CDK11A: variants seen among roughly 807,000 people sequenced by gnomAD.
The protein encoded by CDK11A is cyclin dependent kinase 11A, also known as cyclin-dependent kinase 11A.
CDK11A carries 55 observed loss-of-function variants against 83.6 expected under a neutral mutation model. The observed-to-expected ratio is 0.66, with a 90% confidence interval of 0.53 to 0.82. The LOEUF (loss-of-function observed/expected upper bound fraction) is 0.82. CDK11A is among the 40% of genes least tolerant of loss of function. CDK11A has a pLI of 0.00. For missense variants in CDK11A, 564 were observed against 810.1 expected (o/e 0.70, Z 3.69); for synonymous variants, 247 against 302.7 (o/e 0.82, Z 1.91).
rs1247062198 is a variant in CDK11A at position 1,717,716 on chromosome 1, T to C, written c.356-1238A>G. ...TCTGTGACACACGCACACTTTCAGC[T>C]GGAGTATCCTCTCTATAGCCCCTCT... is the stretch of plus-strand genomic sequence containing the variant. On this transcript the variant is annotated intron_variant, in intron 4 of 19. Transcript: ENST00000404249. 5.5e-5 allele frequency among the ~76,000 whole-genome samples: 8 copies of C among 144,962 alleles called. No homozygotes were observed. In the East Asian group the frequency reaches 1.4e-3, roughly 26 times the overall value.
At chr1:1,719,489 T>C in intron 3 of CDK11A, 34 bp from the exon 4 acceptor site, 2 of 1,391,288 alleles carry the variant, frequency 1.4e-6, no homozygotes, top group South Asian at 1.9e-5. Context: ...GCGTCATGCT[T>C]GAGAAAGTGC....
chr1:1,715,842 T>A (rs1415497021), intron 5 of CDK11A, among the ~76,000 whole-genome samples: 1 of 151,016 alleles, frequency 6.6e-6, no homozygotes, highest in African/African-American at 2.4e-5. Flanking sequence ...ATCTGGCTCA[T>A]AAAGGGGAAC....
rs1296309317 is a variant in CDK11A, at chr1:1,714,723, T to A, written c.488+1623A>T. On this transcript the variant is annotated intron_variant, in intron 5 of 19. Transcript: ENST00000404249. The stretch of plus-strand genomic sequence containing the variant: ...CAGTAAGGCTTCCTTGGCCCACGGC[T>A]GTGTGTGGACAGGGAGCACACTGAA... Among the ~76,000 whole-genome samples, 3 of 135,960 alleles carry A rather than the reference T, an allele frequency of 2.2e-5. 1 individual carries two copies. Among genetic ancestry groups the A allele is most frequent in the Non-Finnish European group, 4.9e-5 (3 of 61,456 alleles). 89.2% of individuals were successfully genotyped at this position (135,960 alleles called of 152,430 possible).
In CDK11A at chr1:1,703,892, C is replaced by A; in HGVS notation, c.1843G>T (p.Glu615Ter). The stretch of plus-strand genomic sequence containing the variant: ...AACAGAGGCTTCTGAGTCAGCAGCT[C>A]CCCGAAGATGCAGCCCACTGACCAC... The part of the protein sequence containing the change: ...DMWSVGCIFG[E>*]LLTQKPLFPG... The change falls in exon 17 of 20, where the codon GAG becomes TAG. Residue 615 changes from glutamate to a stop codon, truncating the protein, a stop_gained. Transcript: ENST00000404249. LOFTEE classifies it high-confidence loss of function. The A allele has an allele frequency of 6.2e-7, 1 of 1,609,740 alleles. No individual in the cohort carries two copies. Among genetic ancestry groups the A allele is most frequent in the Non-Finnish European group, 8.5e-7 (1 of 1,176,962 alleles).
chr1:1,704,006 G>A, intron 16 of CDK11A, 33 bp downstream of exon 16: 1 of 1,603,178 alleles, frequency 6.2e-7, no homozygotes, highest in Non-Finnish European at 8.5e-7. Flanking sequence ...CTGCATGGGG[G>A]ACAGGGGAGG....
Position 1,719,311 on chromosome 1 carries a change from A to G in CDK11A, c.355+17T>C. 4 of 1,499,370 alleles carry G rather than the reference A, an allele frequency of 2.7e-6. 1 individual carries two copies. The South Asian group carries it at 5.4e-5, about 20-fold the overall frequency. 92.9% of individuals were successfully genotyped at this position (1,499,370 alleles called of 1,614,324 possible). ...CACACTTGAACATGATGTCAAAGAA[A>G]GTAAATGCTTCTGTACCCCCTTCTG... On this transcript the variant is annotated intron_variant, in intron 4 of 19. Coordinates refer to ENST00000404249, the MANE Select transcript of CDK11A (RefSeq NM_024011.4).
At chr1:1,706,508 C>T (rs1226817738) in intron 11 of CDK11A, among the ~76,000 whole-genome samples, 1 of 151,250 alleles carries the variant, frequency 6.6e-6, no homozygotes, top group Non-Finnish European at 1.5e-5. Context: ...ATGATTAAGC[C>T]ACTCCACTCC....
At chr1:1,708,392 G>C in intron 9 of CDK11A, 147 bp from the exon 10 acceptor site, 1 of 1,429,526 alleles carries the variant, frequency 7.0e-7, no homozygotes, top group Non-Finnish European at 9.3e-7. Context: ...TGTAATCCCA[G>C]TGCTTTGGGA....
At chr1:1,716,934 T>C (rs2101280865) in intron 4 of CDK11A, among the ~76,000 whole-genome samples, 1 of 147,224 alleles carries the variant, frequency 6.8e-6, no homozygotes, top group East Asian at 2.0e-4. Flanking sequence ...TTTTTTTTTT[T>C]TTGAAGAGAC....
At chr1:1,719,014 C>T (rs1456267597) in intron 4 of CDK11A, among the ~76,000 whole-genome samples, 1 of 150,982 alleles carries the variant, frequency 6.6e-6, no homozygotes, top group East Asian at 1.9e-4. Context: ...TTTGCTCTCT[C>T]TATAGCCCTT....
At chr1:1,717,627 C>G (rs1210378756) in intron 4 of CDK11A, among the ~76,000 whole-genome samples, 2 of 42,782 alleles carry the variant, frequency 4.7e-5, no homozygotes, top group Non-Finnish European at 9.7e-5. Context: ...AGTTTGCTCT[C>G]TCTGGTTTTC....
rs755527055 is a variant in CDK11A, at chr1:1,704,025, C to T, written c.1794+14G>A. The T allele has an allele frequency of 1.6e-5, 26 of 1,597,490 alleles. No individual in the cohort carries two copies. Among genetic ancestry groups the T allele is most frequent in the Middle Eastern group, 1.7e-4 (1 of 5,782 alleles). On this transcript the variant is annotated intron_variant, in intron 16 of 19. Coordinates refer to ENST00000404249, the MANE Select transcript of CDK11A (RefSeq NM_024011.4). ...ATGGGGGACAGGGGAGGCACTCAGACGCCCAGGACTCACCTTGGCACCAAG... is the reference window on the plus strand; with the variant it reads ...ATGGGGGACAGGGGAGGCACTCAGATGCCCAGGACTCACCTTGGCACCAAG...
rs751465521 is a variant in CDK11A, at chr1:1,716,403, C to T, written c.431G>A (p.Arg144Gln). ...CCTTCTCTTCTGTCTTTCCCATTCCCGGCGAGCTTTATCCTGTTCTTCTCG... is the reference window on the plus strand; with the variant it reads ...CCTTCTCTTCTGTCTTTCCCATTCCTGGCGAGCTTTATCCTGTTCTTCTCG... ...RHREEQDKAR[R>Q]EWERQKRREM... The change falls in exon 5 of 20, where the codon CGG becomes CAG. Residue 144 changes from arginine to glutamine, a missense_variant. Coordinates refer to ENST00000404249, the MANE Select transcript of CDK11A (RefSeq NM_024011.4). 2.2e-5 allele frequency: 36 copies of T among 1,608,784 alleles called. 2 individuals carry two copies. The highest frequency in any genetic ancestry group is 1.1e-4 in the East Asian group (5 of 44,802).
chr1:1,706,325 G>T (rs1481321183), intron 11 of CDK11A, among the ~76,000 whole-genome samples: 3 of 151,164 alleles, frequency 2.0e-5, no homozygotes, highest in African/African-American at 7.3e-5. Flanking sequence ...CCACCGCCTC[G>T]GCCTCCCAAA....
Position 1,704,072 on chromosome 1 carries a change from C to A in CDK11A, c.1761G>T (p.Trp587Cys). ...KAYTPVVVTQ[W>C]YRAPELLLGA... The stretch of plus-strand genomic sequence containing the variant: ...CAAGCAGCAGCTCTGGGGCGCGGTA[C>A]CACTGGGTCACCACGACCGGGGTGT... The change falls in exon 16 of 20, where the codon TGG becomes TGT. Residue 587 changes from tryptophan to cysteine, a missense_variant. Transcript: ENST00000404249. 3 of 1,596,640 alleles carry A rather than the reference C, an allele frequency of 1.9e-6. No homozygotes were observed. The highest frequency in any genetic ancestry group is 8.6e-7 in the Non-Finnish European group (1 of 1,169,408).
At chr1:1,707,330 G>T (rs1185498237) in intron 11 of CDK11A, 79 bp downstream of exon 11, 1 of 1,445,894 alleles carries the variant, frequency 6.9e-7, no homozygotes, top group Admixed American at 2.3e-5. Context: ...GCCAACACGG[G>T]GGCCAGGCTT....
In CDK11A at chr1:1,705,575, C is replaced by T. The variant is rs1344063829; in HGVS notation, c.1336+67G>A. 5 of 479,714 alleles carry T rather than the reference C, an allele frequency of 1.0e-5. 2 individuals carry two copies. The highest frequency in any genetic ancestry group is 6.1e-5 in the Admixed American group (2 of 32,638). 29.7% of individuals were successfully genotyped at this position (479,714 alleles called of 1,614,324 possible). On this transcript the variant is annotated intron_variant, in intron 12 of 19. Transcript: ENST00000404249. ...GGTGAAGCGGGCCCAGGTGCAGTCG[C>T]AGCTCTCGGGCAGCCAGCCCCTGCC...
intron 4 of CDK11A, among the ~76,000 whole-genome samples, chr1:1,717,269 C>T (rs1400393714): frequency 1.3e-5 from 2 of 151,208 alleles, no homozygotes; most frequent in Admixed American, 6.6e-5. Context: ...GACTACAGAA[C>T]AAAGCTTTGC....
intron 4 of CDK11A, among the ~76,000 whole-genome samples, chr1:1,717,055 C>T (rs759237621): frequency 2.1e-5 from 2 of 95,704 alleles, no homozygotes; most frequent in South Asian, 3.4e-4. Context: ...TGCACCCAGT[C>T]GAATAATCAT....
Sources: gnomAD v4.1 joint callset for allele counts (sites outside exome capture counted in the v4.1 genomes callset) on GRCh38, gnomAD v4.1.1 for gene constraint, MANE v1.5 for transcripts, NCBI Gene and HGNC (gene_info 2026-07-23, HGNC 2026-07-21) for gene names.